SIGLEC1: variants seen among roughly 807,000 people sequenced by gnomAD.
The protein encoded by SIGLEC1 is sialic acid binding Ig like lectin 1.
A neutral mutation model predicts 148.0 loss-of-function variants in SIGLEC1; 132 were observed. The observed-to-expected ratio is 0.89, with a 90% confidence interval of 0.77 to 1.03. SIGLEC1 has a LOEUF of 1.03. SIGLEC1 is among the 50% of genes least tolerant of loss of function. The pLI is 0.00. For synonymous variants in SIGLEC1, 945 were observed against 969.0 expected, an observed-to-expected ratio of 0.98 and a Z score of 0.46; for missense variants, 2,253 against 2,271.4, an observed-to-expected ratio of 0.99 and a Z score of 0.16.
chr20:3,708,051 C>A (rs747554915), intron 1 of SIGLEC1, among the ~76,000 whole-genome samples: 1 of 152,150 alleles, frequency 6.6e-6, no homozygotes, highest in African/African-American at 2.4e-5. Flanking sequence ...CATAGCAGTG[C>A]GGAGCCTACC....
At chr20:3,688,836 G>T (rs1600277408) in intron 21 of SIGLEC1, 1 of 597,906 alleles carries the variant, frequency 1.7e-6, no homozygotes, top group East Asian at 2.8e-5. Context: ...TGACGGGCAG[G>T]CTTGGGAGTG....
At position 3,705,696 on chromosome 20, in the gene SIGLEC1, G is replaced by A. The variant is rs749638277; in HGVS notation, c.706+48C>T. The A allele has an allele frequency of 1.2e-5, 19 of 1,546,664 alleles. No homozygotes were observed. The South Asian group carries it at 1.8e-4, about 15-fold the overall frequency. On this transcript the variant is annotated intron_variant, in intron 4 of 21. Transcript: ENST00000344754. ...CTGGAGAGGGGCTGGTTTCTGTCAG[G>A]AGCAACAGATGCGCTCAGCCACAAG...
intron 17 of SIGLEC1, 108 bp downstream of exon 17, chr20:3,691,795 A>C: frequency 6.4e-6 from 9 of 1,404,946 alleles, no homozygotes; most frequent in South Asian, 2.8e-5. Context: ...TTCTCAAGGC[A>C]GAGCTTTCTC....
chr20:3,701,078 A>T (rs549479182), intron 7 of SIGLEC1, among the ~76,000 whole-genome samples: 3 of 152,314 alleles, frequency 2.0e-5, no homozygotes, highest in African/African-American at 7.2e-5. Context: ...ATAATTAAAA[A>T]ACAATGAATG....
At position 3,696,625 on chromosome 20, in the gene SIGLEC1, G is replaced by C; in HGVS notation, c.2644C>G (p.Leu882Val). 1 of 1,613,536 alleles carries C rather than the reference G, an allele frequency of 6.2e-7. No homozygotes were observed. Among genetic ancestry groups the C allele is most frequent in the Non-Finnish European group, 8.5e-7 (1 of 1,179,854 alleles). Residue 882 changes from leucine to valine, a missense_variant, in exon 11 of 22, where the codon CTT (leucine) becomes GTT (valine). Leu to Val is a conservative substitution (Grantham distance 32). Transcript: ENST00000344754. ...AAGAGTGAGGTGTTGGATGATCCAA[G>C]AACATTTGTGGCCTCACAGCGGTAG... ...GSYRCEATNV[L>V]GSSNTSLFFQ...
At chr20:3,711,439 G>T (rs1236628036) in intron 1 of SIGLEC1, among the ~76,000 whole-genome samples, 2 of 152,122 alleles carry the variant, frequency 1.3e-5, no homozygotes, top group African/African-American at 4.8e-5. Flanking sequence ...AGTTTAGCTG[G>T]GGAAGAAAGG....
Position 3,703,496 on chromosome 20 carries a change from C to T in SIGLEC1, c.974-45G>A, listed in dbSNP as rs773259127. ...AGTGCTGGGGGGTCCCAGCCAACTT[C>T]CAGCCCCAGCCCCATACAGTCCCCG... On this transcript the variant is annotated intron_variant, in intron 5 of 21. Coordinates refer to ENST00000344754, the MANE Select transcript of SIGLEC1 (RefSeq NM_023068.4). The T allele has an allele frequency of 5.9e-6, 9 of 1,537,706 alleles. No homozygotes were observed. The South Asian group carries it at 1.1e-4, about 20-fold the overall frequency.
At chr20:3,691,207 G>A (rs936211511) in intron 18 of SIGLEC1, 133 bp downstream of exon 18, 4 of 1,096,186 alleles carry the variant, frequency 3.6e-6, no homozygotes, top group Non-Finnish European at 5.3e-6. Context: ...CCAGACAGCG[G>A]GAGAGCCAGG....
intron 21 of SIGLEC1, 48 bp from the exon 22 acceptor site, chr20:3,688,667 G>A (rs1182659103): frequency 6.1e-6 from 9 of 1,482,962 alleles, no homozygotes; most frequent in Non-Finnish European, 5.5e-6. Flanking sequence ...GGGAGCCAGG[G>A]CAGGCCCCCA....
chr20:3,706,806 C>G, intron 2 of SIGLEC1, 100 bp from the exon 3 acceptor site: 1 of 1,371,864 alleles, frequency 7.3e-7, no homozygotes, highest in Non-Finnish European at 9.7e-7. Flanking sequence ...CCCAGCTGGG[C>G]TCCCAAATTC....
At position 3,694,176 on chromosome 20, in the gene SIGLEC1, C is replaced by CAG. The variant is rs1279299836; in HGVS notation, c.3256+44_3256+45insCT. On this transcript the variant is annotated intron_variant, in intron 13 of 21. Transcript: ENST00000344754. ...CCACCTCCTCTCCTCTTTTAAAGGA[C>CAG]ACACACACACACACACACACACACA... The CAG allele has an allele frequency of 1.3e-5, 6 of 450,382 alleles. No individual in the cohort carries two copies. The East Asian group carries it at 7.2e-4, about 54-fold the overall frequency. 27.9% of individuals were successfully genotyped at this position (450,382 alleles called of 1,614,324 possible).
chr20:3,706,020 T>G lies in SIGLEC1; in HGVS notation c.430A>C (p.Ile144Leu). Reference protein sequence around the residue: ...TVTEEPRVPTIASPVELLEGT... With the variant: ...TVTEEPRVPTLASPVELLEGT... ...TCGAGAAGCTCCACCGGGGAGGCAATGGTGGGCACCCTGGGCTCCTCTGAG... is the reference window on the plus strand; with the variant it reads ...TCGAGAAGCTCCACCGGGGAGGCAAGGGTGGGCACCCTGGGCTCCTCTGAG... Residue 144 changes from isoleucine to leucine, a missense_variant, in exon 4 of 22, where the codon ATT becomes CTT. By Grantham distance (5) the Ile-to-Leu change is conservative. Transcript: ENST00000344754. The G allele has an allele frequency of 1.9e-6, 3 of 1,613,266 alleles. No homozygotes were observed. Among genetic ancestry groups the G allele is most frequent in the Non-Finnish European group, 2.5e-6 (3 of 1,179,806 alleles).
At position 3,705,962 on chromosome 20, in the gene SIGLEC1, G is replaced by A. The variant is rs757847416; in HGVS notation, c.488C>T (p.Pro163Leu). The A allele has an allele frequency of 1.2e-6, 2 of 1,613,976 alleles. No homozygotes were observed. The highest frequency in any genetic ancestry group is 2.2e-5 in the East Asian group (1 of 44,896). ...GACCTGCTCCTGCAGGCATACGTAG[G>A]GAGTGGAGCAGTTGAAGTCCACCTC... is the stretch of plus-strand genomic sequence containing the variant. ...GTEVDFNCST[P>L]YVCLQEQVRL... Residue 163 changes from proline (P) to leucine (L), a missense_variant, in exon 4 of 22, where the codon CCC becomes CTC. Transcript: ENST00000344754.
In SIGLEC1 at chr20:3,701,655, A is replaced by G; in HGVS notation, c.1229-14T>C. Reference sequence around the variant, plus strand: ...TGAGAGGCGGGTCTGTGTGGAGACGAGAGGTGGGCCTGTCACCCTCAGACA... The same window carrying G: ...TGAGAGGCGGGTCTGTGTGGAGACGGGAGGTGGGCCTGTCACCCTCAGACA... On this transcript the variant is annotated splice_polypyrimidine_tract_variant and intron_variant, in intron 6 of 21. Transcript: ENST00000344754. The G allele has an allele frequency of 6.5e-7, 1 of 1,538,504 alleles. No homozygotes were observed. The highest frequency in any genetic ancestry group is 8.8e-7 in the Non-Finnish European group (1 of 1,139,648).
At chr20:3,706,244 G>A in intron 3 of SIGLEC1, 103 bp downstream of exon 3, 2 of 1,471,254 alleles carry the variant, frequency 1.4e-6, no homozygotes, top group Admixed American at 2.0e-5. Context: ...GCTGAGACTG[G>A]CTGGGGTTAG....
chr20:3,694,174 GACACACACACACACACACAC>G (rs59383643), intron 13 of SIGLEC1, 27 bp downstream of exon 13: 9 of 1,165,604 alleles, frequency 7.7e-6, no homozygotes, highest in Admixed American at 6.8e-5. Flanking sequence ...TCTTTTAAAG[GACACACACACACACACACAC>G]ACACACACAC....
At chr20:3,698,247 C>A (rs2087822068) in intron 8 of SIGLEC1, 114 bp from the exon 9 acceptor site, 1 of 949,362 alleles carries the variant, frequency 1.1e-6, no homozygotes, top group African/African-American at 1.7e-5. Flanking sequence ...CTGCCCCAAG[C>A]AGCTGTGCAG....
intron 6 of SIGLEC1, 117 bp from the exon 7 acceptor site, chr20:3,701,758 T>C: frequency 9.8e-7 from 1 of 1,019,262 alleles, no homozygotes; most frequent in Non-Finnish European, 1.4e-6. Context: ...GAGAAGGGGG[T>C]GATCCCAAAG....
At chr20:3,695,118 A>T (rs543287547) in intron 11 of SIGLEC1, among the ~76,000 whole-genome samples, 195 bp from the exon 12 acceptor site, 12 of 152,232 alleles carry the variant, frequency 7.9e-5, no homozygotes, top group African/African-American at 2.9e-4. Flanking sequence ...CACAGGCTCC[A>T]TCCTGGCATT....
Sources: allele counts gnomAD v4.1 joint callset (sites outside exome capture counted in the v4.1 genomes callset), GRCh38; gene constraint gnomAD v4.1.1; transcripts MANE v1.5; gene names NCBI Gene and HGNC (gene_info 2026-07-23, HGNC 2026-07-21).